The following DMRT1 variants were observed in gnomAD, a reference collection of about 807,000 sequenced individuals.
DMRT1 encodes the protein doublesex- and mab-3-related transcription factor 1.
DMRT1 carries 7 observed loss-of-function variants against 32.3 expected under a neutral mutation model. The observed-to-expected ratio is 0.22, with a 90% CI of 0.12 to 0.41. The LOEUF is 0.41. DMRT1 is among the 10% of genes least tolerant of loss of function. DMRT1 has a pLI of 1.00. For synonymous variants in DMRT1, 278 were observed against 206.1 expected (o/e 1.35, Z -2.99); for missense variants, 625 against 500.5 (o/e 1.25, Z -2.37).
At position 894,135 on chromosome 9, in the gene DMRT1, GAACAGCCTTC is replaced by G; in HGVS notation, c.763_772del (p.Asn255GlyfsTer18). The G allele has an allele frequency of 6.2e-7, 1 of 1,614,234 alleles. No individual in the cohort carries two copies. The highest frequency in any genetic ancestry group is 8.5e-7 in the Non-Finnish European group (1 of 1,180,046). On this transcript the variant is annotated frameshift_variant, in exon 3 of 5. Coordinates refer to ENST00000382276, the MANE Select transcript of DMRT1 (RefSeq NM_021951.3). LOFTEE classifies it high-confidence loss of function. ...ATCCCCTCGGGGGATCCCCTGTGAA[GAACAGCCTTC>G]GGGGCCTCCCCGGACCTTATGTGCC...
At chr9:860,313 A>G (rs1299513919) in intron 2 of DMRT1, among the ~76,000 whole-genome samples, 1 of 152,302 alleles carries the variant, frequency 6.6e-6, no homozygotes, top group East Asian at 1.9e-4. Context: ...AATTAAATAC[A>G]TAAAAAGTAA....
intron 4 of DMRT1, among the ~76,000 whole-genome samples, chr9:926,699 G>T (rs1352586974): frequency 1.3e-5 from 2 of 152,136 alleles, no homozygotes; most frequent in East Asian, 3.9e-4. Context: ...GAGAGAGAGA[G>T]AGAGAGAGAG....
At chr9:892,753 G>C (rs1242316559) in intron 2 of DMRT1, among the ~76,000 whole-genome samples, 1 of 152,108 alleles carries the variant, frequency 6.6e-6, no homozygotes, top group Non-Finnish European at 1.5e-5. Context: ...CCAGAGTCAG[G>C]AGAGCTGGAC....
chr9:884,482 C>CTCATA (rs1816849273), intron 2 of DMRT1, among the ~76,000 whole-genome samples: 1 of 152,002 alleles, frequency 6.6e-6, no homozygotes, highest in Non-Finnish European at 1.5e-5. Context: ...GGTGACTGAG[C>CTCATA]TCATAAGCAA....
At chr9:868,835 C>T (rs1180865367) in intron 2 of DMRT1, among the ~76,000 whole-genome samples, 2 of 152,172 alleles carry the variant, frequency 1.3e-5, no homozygotes, top group East Asian at 1.9e-4. Context: ...CATGGTGAAG[C>T]CCCATTCCTA....
In DMRT1 at chr9:841,961, G is replaced by A. The variant is rs771405256; in HGVS notation, c.123G>A (p.Ala41=). The part of the protein sequence containing the change: ...FGKASGALVG[A]ASGSSAGGSS... The stretch of plus-strand genomic sequence containing the variant: ...AAGCGTCTGGGGCGCTAGTGGGGGC[G>A]GCCAGCGGCTCGAGCGCCGGGGGCA... Residue 41 remains alanine (A), a synonymous_variant, in exon 1 of 5, where the codon GCG becomes GCA. Transcript: ENST00000382276. 1.9e-6 allele frequency: 3 copies of A among 1,593,752 alleles called. No individual in the cohort carries two copies. Among genetic ancestry groups the A allele is most frequent in the African/African-American group, 2.7e-5 (2 of 74,402 alleles).
chr9:868,601 T>C (rs1391142984), intron 2 of DMRT1, among the ~76,000 whole-genome samples: 1 of 152,220 alleles, frequency 6.6e-6, no homozygotes, highest in Non-Finnish European at 1.5e-5. Context: ...TCTTGGGCCA[T>C]TGTACCTCCT....
chr9:900,242 G>C (rs1175109464), intron 3 of DMRT1, among the ~76,000 whole-genome samples: 2 of 152,174 alleles, frequency 1.3e-5, no homozygotes, highest in African/African-American at 4.8e-5. Flanking sequence ...GAGTGTTCCT[G>C]GCCCGGTGCT....
rs2273930 is a variant in DMRT1, at chr9:847,265, G to A, written c.538+122G>A. 534,209 of 1,071,012 alleles carry A rather than the reference G, an allele frequency of 0.5. 136,028 individuals are homozygous for A. Among genetic ancestry groups the A allele is most frequent in the Non-Finnish European group, 0.52 (395,567 of 754,662 alleles). The allele number at this position is 1,071,012 out of a possible 1,614,324, so 66.3% of individuals were successfully genotyped here. On this transcript the variant is annotated intron_variant, in intron 2 of 4. Coordinates refer to ENST00000382276, the MANE Select transcript of DMRT1 (RefSeq NM_021951.3). ...TGTTTAGAGCTTAGAGGATTCTGTA[G>A]AGGATTCTCCCTGTGAAGGGCTGTT... is the stretch of plus-strand genomic sequence containing the variant.
intron 2 of DMRT1, among the ~76,000 whole-genome samples, chr9:875,262 T>G (rs1816447972): frequency 6.6e-6 from 1 of 152,182 alleles, no homozygotes; most frequent in South Asian, 2.1e-4. Context: ...CCTTGAGAAT[T>G]GTGGGTGAGG....
intron 4 of DMRT1, among the ~76,000 whole-genome samples, chr9:961,278 C>T (rs1317980705): frequency 1.3e-5 from 2 of 152,126 alleles, no homozygotes; most frequent in Non-Finnish European, 2.9e-5. Context: ...CTCCTCAGAA[C>T]GCAAGCCTCG....
At chr9:852,976 C>T (rs576750387) in intron 2 of DMRT1, among the ~76,000 whole-genome samples, 8 of 152,308 alleles carry the variant, frequency 5.3e-5, no homozygotes, top group East Asian at 1.9e-4. Context: ...GTTCATAAAA[C>T]ATGAAATGTG....
intron 2 of DMRT1, among the ~76,000 whole-genome samples, chr9:865,180 C>A (rs149454588): frequency 1.3e-5 from 2 of 152,112 alleles, no homozygotes; most frequent in African/African-American, 4.8e-5. Context: ...GATCAAAGTT[C>A]TCGAATATTG....
chr9:951,722 T>C (rs1009086368), intron 4 of DMRT1, among the ~76,000 whole-genome samples: 1 of 152,174 alleles, frequency 6.6e-6, no homozygotes. Context: ...AAGTTGTAGT[T>C]TGACAGAAAT....
chr9:842,229 AGT>A, intron 1 of DMRT1, 37 bp downstream of exon 1: 48 of 856,216 alleles, frequency 5.6e-5, no homozygotes, highest in Non-Finnish European at 6.8e-5. Flanking sequence ...GTTCAGCCTT[AGT>A]TTTTTTTTTT....
At chr9:902,305 G>A (rs1817618358) in intron 3 of DMRT1, among the ~76,000 whole-genome samples, 1 of 151,570 alleles carries the variant, frequency 6.6e-6, no homozygotes, top group Admixed American at 6.6e-5. Flanking sequence ...GATACCCGTT[G>A]TCTCTCGCCT....
chr9:889,779 T>G (rs1817068455), intron 2 of DMRT1, among the ~76,000 whole-genome samples: 2 of 152,210 alleles, frequency 1.3e-5, no homozygotes, highest in Admixed American at 6.5e-5. Context: ...TTTGTTTTCT[T>G]TTTTAAGAAG....
intron 3 of DMRT1, among the ~76,000 whole-genome samples, chr9:898,376 C>T (rs142863781): frequency 0.033 from 4,954 of 152,280 alleles, 219 homozygotes; most frequent in East Asian, 0.14. Flanking sequence ...CACTCGGCCT[C>T]CCAAAGTGCT....
At chr9:914,660 T>C (rs1293973236) in intron 3 of DMRT1, among the ~76,000 whole-genome samples, 2 of 149,894 alleles carry the variant, frequency 1.3e-5, no homozygotes, top group Non-Finnish European at 3.0e-5. Context: ...CCATTTCATA[T>C]ACTTCAGAAA....
Sources: allele counts gnomAD v4.1 joint callset (sites outside exome capture counted in the v4.1 genomes callset), GRCh38; gene constraint gnomAD v4.1.1; transcripts MANE v1.5; gene names NCBI Gene and HGNC (gene_info 2026-07-23, HGNC 2026-07-21).